The following ADAMTS3 variants were observed in gnomAD, a reference collection of about 807,000 sequenced individuals.
The protein encoded by ADAMTS3 is A disintegrin and metalloproteinase with thrombospondin motifs 3.
A neutral mutation model predicts 129.0 loss-of-function variants in ADAMTS3; 73 were observed. The observed-to-expected ratio is 0.57, with a 90% CI of 0.47 to 0.69. The LOEUF is 0.69. Ranked by LOEUF, ADAMTS3 falls within the 30% of genes least tolerant of loss-of-function variation. ADAMTS3 has a pLI of 0.00. For missense variants in ADAMTS3, 1,457 were observed against 1,514.5 expected, an observed-to-expected ratio of 0.96 and a Z score of 0.63; for synonymous variants, 477 against 510.8, an observed-to-expected ratio of 0.93 and a Z score of 0.89.
chr4:72,376,085 T>G (rs1721126872), intron 4 of ADAMTS3, among the ~76,000 whole-genome samples: 1 of 152,194 alleles, frequency 6.6e-6, no homozygotes, highest in African/African-American at 2.4e-5. Flanking sequence ...TTGCAAATTC[T>G]CAAATACACG....
At position 72,281,782 on chromosome 4, in the gene ADAMTS3, G is replaced by T. The variant is rs761471785; in HGVS notation, c.*1354C>A. ...TTACCAAAATATGTAATTGATATTA[G>T]TGTAAATATTTAGTACATAAAAATA... On this transcript the variant is annotated 3_prime_UTR_variant, in exon 22 of 22. Transcript: ENST00000286657. The T allele has an allele frequency of 4.0e-5, 6 of 150,178 alleles. No individual in the cohort carries two copies. The highest frequency in any genetic ancestry group is 8.9e-5 in the Non-Finnish European group (6 of 67,700). The allele number at this position is 150,178 out of a possible 1,614,324, so 9.3% of individuals were successfully genotyped here. A position where few individuals can be genotyped will look rare whatever the true frequency, so the allele number is the denominator to read the frequency against.
intron 3 of ADAMTS3, among the ~76,000 whole-genome samples, chr4:72,512,384 C>T (rs779873453): frequency 8.6e-5 from 13 of 151,946 alleles, no homozygotes; most frequent in African/African-American, 1.9e-4. Context: ...CCCAGCTACT[C>T]GGGAGGCTGA....
intron 17 of ADAMTS3, among the ~76,000 whole-genome samples, chr4:72,300,855 A>G (rs1718931447): frequency 6.6e-6 from 1 of 152,162 alleles, no homozygotes; most frequent in South Asian, 2.1e-4. Context: ...GCTGGGGAAC[A>G]ATCATCTGAG....
At chr4:72,503,094 G>A (rs567252676) in intron 3 of ADAMTS3, among the ~76,000 whole-genome samples, 81 of 152,220 alleles carry the variant, frequency 5.3e-4, no homozygotes, top group Non-Finnish European at 9.6e-4. Flanking sequence ...TGCAATCTCA[G>A]CTCACTGCAA....
intron 4 of ADAMTS3, among the ~76,000 whole-genome samples, chr4:72,351,013 G>T (rs1381242433): frequency 4.6e-5 from 7 of 151,874 alleles, no homozygotes; most frequent in Non-Finnish European, 8.8e-5. Flanking sequence ...GAATTTGTTA[G>T]GCTCCACCTG....
At chr4:72,515,067 T>A (rs1318559659) in intron 3 of ADAMTS3, among the ~76,000 whole-genome samples, 1 of 152,186 alleles carries the variant, frequency 6.6e-6, no homozygotes, top group Non-Finnish European at 1.5e-5. Flanking sequence ...TGCCCATCTA[T>A]GAATGAGAAC....
At chr4:72,475,031 AAAAAAAG>A (rs1226579575) in intron 3 of ADAMTS3, among the ~76,000 whole-genome samples, 1 of 151,924 alleles carries the variant, frequency 6.6e-6, no homozygotes, top group Non-Finnish European at 1.5e-5. Context: ...CGTCTAAAAA[AAAAAAAG>A]AAAAAAGAAT....
At chr4:72,562,421 C>G (rs1429924560) in intron 2 of ADAMTS3, among the ~76,000 whole-genome samples, 1 of 152,098 alleles carries the variant, frequency 6.6e-6, no homozygotes, top group Non-Finnish European at 1.5e-5. Flanking sequence ...ACATACACAA[C>G]ACTGTGTGGC....
At chr4:72,311,341 T>A (rs973642299) in intron 13 of ADAMTS3, among the ~76,000 whole-genome samples, 160 bp from the exon 14 acceptor site, 3 of 148,230 alleles carry the variant, frequency 2.0e-5, no homozygotes, top group Non-Finnish European at 4.5e-5. Flanking sequence ...GGAAAGTATG[T>A]ACATTTGACA....
chr4:72,538,716 A>G (rs958442994), intron 3 of ADAMTS3, among the ~76,000 whole-genome samples: 1 of 152,170 alleles, frequency 6.6e-6, no homozygotes, highest in African/African-American at 2.4e-5. Flanking sequence ...AACCTGAGAA[A>G]AAAAGAAGCA....
At chr4:72,532,969 T>G (rs933828503) in intron 3 of ADAMTS3, among the ~76,000 whole-genome samples, 6 of 152,176 alleles carry the variant, frequency 3.9e-5, no homozygotes, top group African/African-American at 1.4e-4. Context: ...TATTGTAGGC[T>G]CCTGTGTAAG....
At chr4:72,512,796 A>C (rs1046619851) in intron 3 of ADAMTS3, among the ~76,000 whole-genome samples, 2 of 152,044 alleles carry the variant, frequency 1.3e-5, no homozygotes, top group African/African-American at 4.8e-5. Context: ...ATTTACATTC[A>C]TTTTTTCTAA....
rs545484126 is a variant in ADAMTS3, at chr4:72,403,586, A to C, written c.661+11229T>G. On this transcript the variant is annotated intron_variant, in intron 4 of 21. Transcript: ENST00000286657. ...GTCAAAGCTATATTTGTGATGTTAT[A>C]AGTGAAAAATCATGTGGTAAGGTGT... Among the ~76,000 whole-genome samples, 3 of 151,598 alleles carry C rather than the reference A, an allele frequency of 2.0e-5. No homozygotes were observed. In the South Asian group the frequency reaches 6.2e-4, roughly 31 times the overall value.
chr4:72,459,372 A>T (rs1026239855), intron 3 of ADAMTS3, among the ~76,000 whole-genome samples: 4 of 151,678 alleles, frequency 2.6e-5, no homozygotes, highest in Non-Finnish European at 5.9e-5. Context: ...AGATGGCCAT[A>T]CAAATACACA....
intron 4 of ADAMTS3, among the ~76,000 whole-genome samples, chr4:72,392,821 TG>T (rs1157229683): frequency 6.6e-6 from 1 of 152,226 alleles, no homozygotes; most frequent in East Asian, 1.9e-4. Flanking sequence ...TGGAAATAGC[TG>T]ACTTTTAGTT....
At chr4:72,544,508 T>C (rs1263515652) in intron 3 of ADAMTS3, among the ~76,000 whole-genome samples, 1 of 152,190 alleles carries the variant, frequency 6.6e-6, no homozygotes, top group Non-Finnish European at 1.5e-5. Context: ...TGGATCAGGA[T>C]TCCTAGAATT....
chr4:72,304,203 A>G, intron 16 of ADAMTS3, 123 bp from the exon 17 acceptor site: 4 of 942,870 alleles, frequency 4.2e-6, no homozygotes, highest in Non-Finnish European at 6.3e-6. Flanking sequence ...GTAGCAAGGA[A>G]TCAAAATGGG....
At chr4:72,434,476 C>A (rs536823159) in intron 3 of ADAMTS3, among the ~76,000 whole-genome samples, 2 of 151,876 alleles carry the variant, frequency 1.3e-5, no homozygotes, top group Admixed American at 6.6e-5. Flanking sequence ...AATTCTGGAG[C>A]TCCACTGTAG....
rs1238270379 is a variant in ADAMTS3 at position 72,476,251 on chromosome 4, G to A, written c.505-61280C>T. ...CTAGCAAGACTGACAAAGAAGAAAG[G>A]AGGCATGAGTTGTCAATATCAGAAA... On this transcript the variant is annotated intron_variant, in intron 3 of 21. Transcript: ENST00000286657. Among the ~76,000 whole-genome samples the A allele has an allele frequency of 2.6e-5, 4 of 151,926 alleles. No individual in the cohort carries two copies. The East Asian group carries it at 5.8e-4, about 22-fold the overall frequency.
Sources: gnomAD v4.1 joint callset for allele counts (sites outside exome capture counted in the v4.1 genomes callset) on GRCh38, gnomAD v4.1.1 for gene constraint, MANE v1.5 for transcripts, NCBI Gene and HGNC (gene_info 2026-07-23, HGNC 2026-07-21) for gene names.